The following LRP1B variants were observed in gnomAD, a reference collection of about 807,000 sequenced individuals.
LRP1B encodes the protein low-density lipoprotein receptor-related protein 1B.
In LRP1B, 217 loss-of-function variants were observed where a neutral mutation model predicts 556.6. The ratio of observed to expected loss-of-function variants is 0.39; its 90% CI spans 0.35 to 0.44. The LOEUF (loss-of-function observed/expected upper bound fraction) is 0.44. Among genes scored for constraint, LRP1B ranks in the 20% least tolerant of loss-of-function variants. The probability of loss-of-function intolerance (pLI) is 1.00; values close to 1 mark genes in which losing one functional copy is unlikely to be tolerated. For missense variants in LRP1B, 5,053 were observed against 5,620.8 expected (o/e 0.90, Z 3.23); for synonymous variants, 2,047 against 1,865.8 (o/e 1.10, Z -2.50).
intron 35 of LRP1B, among the ~76,000 whole-genome samples, chr2:140,758,312 A>G (rs943682411): frequency 2.0e-4 from 30 of 152,116 alleles, no homozygotes; most frequent in Non-Finnish European, 3.7e-4. Context: ...AAACAATCAT[A>G]TCAATAATAA....
intron 41 of LRP1B, among the ~76,000 whole-genome samples, chr2:140,657,572 C>CATACATATATATACATACATACATATAT (rs1684926372): frequency 6.2e-5 from 3 of 48,712 alleles, no homozygotes; most frequent in African/African-American, 1.2e-4. Context: ...TATACACATA[C>CATACATATATATACATACATACATATAT]ATACATATAT....
intron 35 of LRP1B, among the ~76,000 whole-genome samples, chr2:140,719,571 C>T (rs970792790): frequency 6.6e-6 from 1 of 151,952 alleles, no homozygotes. Context: ...TGCATTTTTG[C>T]ATTTCTTCCT....
At chr2:141,834,862 C>CA (rs887035217) in intron 1 of LRP1B, among the ~76,000 whole-genome samples, 8 of 151,642 alleles carry the variant, frequency 5.3e-5, no homozygotes, top group Non-Finnish European at 7.4e-5. Flanking sequence ...CATAATCAAG[C>CA]AAAAAAGTGC....
At chr2:141,645,104 A>G (rs1236788618) in intron 2 of LRP1B, among the ~76,000 whole-genome samples, 1 of 152,130 alleles carries the variant, frequency 6.6e-6, no homozygotes, top group Non-Finnish European at 1.5e-5. Context: ...ATGGATTTAT[A>G]TTAGGGTAGG....
intron 84 of LRP1B, among the ~76,000 whole-genome samples, chr2:140,290,881 T>C (rs1042415144): frequency 7.2e-5 from 11 of 151,956 alleles, no homozygotes; most frequent in African/African-American, 2.2e-4. Flanking sequence ...AGAAGCCCAG[T>C]TTTCAGAGTC....
chr2:140,667,544 T>C (rs1036732130), intron 41 of LRP1B, among the ~76,000 whole-genome samples: 1 of 152,238 alleles, frequency 6.6e-6, no homozygotes, highest in Non-Finnish European at 1.5e-5. Context: ...TTTTCTGCTC[T>C]ACAGACCACA....
intron 2 of LRP1B, among the ~76,000 whole-genome samples, chr2:141,771,509 T>A (rs1302687503): frequency 6.6e-6 from 1 of 152,206 alleles, no homozygotes; most frequent in Admixed American, 6.5e-5. Flanking sequence ...GACAGTGAAC[T>A]AAAATTGCAT....
At chr2:141,032,794 C>T (rs62173684) in intron 11 of LRP1B, among the ~76,000 whole-genome samples, 6,006 of 115,762 alleles carry the variant, frequency 0.052, 198 homozygotes, top group Non-Finnish European at 0.078. Flanking sequence ...AATTTTAACG[C>T]AGGTATATGT....
At chr2:141,206,517 G>A (rs1297370439) in intron 6 of LRP1B, among the ~76,000 whole-genome samples, 4 of 152,086 alleles carry the variant, frequency 2.6e-5, no homozygotes, top group Admixed American at 6.5e-5. Context: ...AATACAGGAG[G>A]CGGAGCTTGC....
At chr2:140,601,114 C>T (rs62173477) in intron 42 of LRP1B, among the ~76,000 whole-genome samples, 19,877 of 149,750 alleles carry the variant, frequency 0.13, 1,745 homozygotes, top group South Asian at 0.25. Context: ...CTTAGTCTTC[C>T]GTGTATGTTA....
intron 16 of LRP1B, among the ~76,000 whole-genome samples, chr2:140,991,681 A>G (rs1454126220): frequency 6.6e-6 from 1 of 152,134 alleles, no homozygotes; most frequent in Non-Finnish European, 1.5e-5. Context: ...ACTGTAATAA[A>G]GAATTGTACA....
At chr2:141,432,859 T>G (rs538743966) in intron 3 of LRP1B, among the ~76,000 whole-genome samples, 13 of 152,152 alleles carry the variant, frequency 8.5e-5, no homozygotes, top group Non-Finnish European at 1.6e-4. Flanking sequence ...TTTCATGTAT[T>G]TGCTCCATTG....
chr2:141,115,446 GT>G (rs1197693262), intron 7 of LRP1B, among the ~76,000 whole-genome samples: 1 of 94,540 alleles, frequency 1.1e-5, no homozygotes, highest in Non-Finnish European at 2.3e-5. Context: ...AAATGAATAG[GT>G]TTTTGTTTTT....
In LRP1B at chr2:140,605,695, T is replaced by C. The variant is rs188640480; in HGVS notation, c.6800-4056A>G. Among the ~76,000 whole-genome samples the C allele has an allele frequency of 2.3e-3, 355 of 151,962 alleles. 2 individuals carry two copies. The highest frequency in any genetic ancestry group is 8.2e-3 in the African/African-American group (340 of 41,482). ...TCCCTCCCTCCCTCCCTTTTTTCTT[T>C]CTTCCTTTTTTTGAGATTCGCCATA... is the stretch of plus-strand genomic sequence containing the variant. On this transcript the variant is annotated intron_variant, in intron 41 of 90. Transcript: ENST00000389484.
chr2:140,694,398 A>C (rs1686354691), intron 41 of LRP1B, among the ~76,000 whole-genome samples: 1 of 152,142 alleles, frequency 6.6e-6, no homozygotes, highest in Non-Finnish European at 1.5e-5. Flanking sequence ...TAGTAGTCTG[A>C]AGATTTTACT....
chr2:142,060,795 TTAAAA>T (rs1402619963), intron 1 of LRP1B, among the ~76,000 whole-genome samples: 2 of 152,018 alleles, frequency 1.3e-5, no homozygotes, highest in Non-Finnish European at 2.9e-5. Flanking sequence ...TAAAATCAGC[TTAAAA>T]TAAGATAATA....
chr2:142,107,470 T>G (rs575955287), intron 1 of LRP1B, among the ~76,000 whole-genome samples: 1 of 152,170 alleles, frequency 6.6e-6, no homozygotes, highest in Non-Finnish European at 1.5e-5. Flanking sequence ...CCCCACCAGA[T>G]GCTGACACCT....
chr2:140,698,720 G>T (rs898374174), intron 41 of LRP1B, among the ~76,000 whole-genome samples: 5 of 152,032 alleles, frequency 3.3e-5, no homozygotes, highest in African/African-American at 1.2e-4. Context: ...ACAAGTGGTG[G>T]TTACTTAAAG....
At chr2:141,066,259 C>T (rs1035544355) in intron 7 of LRP1B, among the ~76,000 whole-genome samples, 2 of 151,856 alleles carry the variant, frequency 1.3e-5, no homozygotes, top group African/African-American at 2.4e-5. Context: ...ATCATTATCC[C>T]GTCAGATATG....
Sources: gnomAD v4.1 joint callset for allele counts (sites outside exome capture counted in the v4.1 genomes callset) on GRCh38, gnomAD v4.1.1 for gene constraint, MANE v1.5 for transcripts, NCBI Gene and HGNC (gene_info 2026-07-23, HGNC 2026-07-21) for gene names.